RCAN2: variants seen among roughly 807,000 people sequenced by gnomAD.
The protein encoded by RCAN2 is regulator of calcineurin 2, also known as calcipressin-2.
In RCAN2, 9 loss-of-function variants were observed where a neutral mutation model predicts 23.6. That is an observed-to-expected ratio of 0.38 (90% confidence interval 0.23 to 0.67). The LOEUF is 0.67. RCAN2 is among the 30% of genes least tolerant of loss of function. The probability of loss-of-function intolerance (pLI) is 0.51; values close to 1 mark genes in which losing one functional copy is unlikely to be tolerated. For synonymous variants in RCAN2, 109 were observed against 115.7 expected, an observed-to-expected ratio of 0.94 and a Z score of 0.37; for missense variants, 273 against 302.3, an observed-to-expected ratio of 0.90 and a Z score of 0.72.
intron 2 of RCAN2, among the ~76,000 whole-genome samples, chr6:46,386,822 G>A (rs546913694): frequency 1.3e-5 from 2 of 152,166 alleles, no homozygotes; most frequent in Admixed American, 6.5e-5. Flanking sequence ...GAACAAACCT[G>A]GAGGCATCAC....
intron 1 of RCAN2, among the ~76,000 whole-genome samples, chr6:46,462,619 G>A (rs1291453565): frequency 1.3e-5 from 2 of 151,182 alleles, no homozygotes; most frequent in South Asian, 2.1e-4. Flanking sequence ...GTATGAATAA[G>A]TGAAAAAATT....
intron 2 of RCAN2, among the ~76,000 whole-genome samples, chr6:46,445,000 T>C (rs1011927835): frequency 1.3e-5 from 2 of 152,092 alleles, no homozygotes; most frequent in Admixed American, 6.5e-5. Context: ...CGGGCTCCAG[T>C]TGACACAGGG....
At chr6:46,448,208 A>G (rs1227381122) in intron 2 of RCAN2, among the ~76,000 whole-genome samples, 1 of 151,854 alleles carries the variant, frequency 6.6e-6, no homozygotes, top group Non-Finnish European at 1.5e-5. Context: ...ATGAACAATT[A>G]TATGCCAACA....
chr6:46,490,571 G>A (rs556435507), intron 1 of RCAN2, among the ~76,000 whole-genome samples: 2 of 152,204 alleles, frequency 1.3e-5, no homozygotes, highest in South Asian at 2.1e-4. Flanking sequence ...CATCCCACAG[G>A]CAGGACGAAC....
At position 46,367,022 on chromosome 6, in the gene RCAN2, G is replaced by T. The variant is rs555978202; in HGVS notation, c.225+89730C>A. ...ATTTTATTTTCAGTTATCTGGGATG[G>T]ATATATATATATATATATATATATA... On this transcript the variant is annotated intron_variant, in intron 2 of 4. Coordinates refer to ENST00000371374, the MANE Select transcript of RCAN2 (RefSeq NM_001251974.2). Among the ~76,000 whole-genome samples, 53 of 59,658 alleles carry T rather than the reference G, an allele frequency of 8.9e-4. 1 individual carries two copies. The highest frequency in any genetic ancestry group is 1.6e-3 in the Non-Finnish European group (42 of 25,932). 39.1% of individuals were successfully genotyped at this position (59,658 alleles called of 152,430 possible).
intron 2 of RCAN2, among the ~76,000 whole-genome samples, chr6:46,352,097 G>T (rs968295301): frequency 2.0e-5 from 3 of 152,146 alleles, no homozygotes; most frequent in African/African-American, 7.2e-5. Flanking sequence ...TATACATTAA[G>T]GTATTCCCCA....
In RCAN2 at chr6:46,289,407, T is replaced by C. The variant is rs115335509; in HGVS notation, c.226-40511A>G. On this transcript the variant is annotated intron_variant, in intron 2 of 4. Transcript: ENST00000371374. ...AAGAGGAAACATAAGATGTCCTTTT[T>C]ATACTGTAGACCCTATGGAATGCCT... is the stretch of plus-strand genomic sequence containing the variant. Among the ~76,000 whole-genome samples the C allele has an allele frequency of 6.6e-3, 1,002 of 152,350 alleles. 11 individuals are homozygous for C. Among genetic ancestry groups the C allele is most frequent in the African/African-American group, 0.023 (942 of 41,570 alleles).
At chr6:46,329,629 T>A (rs913607778) in intron 2 of RCAN2, among the ~76,000 whole-genome samples, 3 of 152,028 alleles carry the variant, frequency 2.0e-5, no homozygotes, top group African/African-American at 7.2e-5. Flanking sequence ...GCAGGGAGGC[T>A]TTTGCAGAAG....
chr6:46,385,652 T>A lies in RCAN2; in HGVS notation c.225+71100A>T, dbSNP rs112403600. On this transcript the variant is annotated intron_variant, in intron 2 of 4. Coordinates refer to ENST00000371374, the MANE Select transcript of RCAN2 (RefSeq NM_001251974.2). ...TGGGCAGATCACTTGAGGTCAGGAG[T>A]TCGAGACCAGCCTGGCCAACATGGT... Among the ~76,000 whole-genome samples the A allele has an allele frequency of 1.2e-3, 177 of 150,078 alleles. 1 individual carries two copies. Among genetic ancestry groups the A allele is most frequent in the Middle Eastern group, 3.4e-3 (1 of 290 alleles).
chr6:46,247,508 C>G (rs1406046847), intron 3 of RCAN2, among the ~76,000 whole-genome samples: 1 of 152,218 alleles, frequency 6.6e-6, no homozygotes, highest in African/African-American at 2.4e-5. Flanking sequence ...ACCACCATTC[C>G]TGTCTCCCAC....
At chr6:46,285,947 A>T (rs1178667631) in intron 2 of RCAN2, among the ~76,000 whole-genome samples, 6 of 152,204 alleles carry the variant, frequency 3.9e-5, no homozygotes, top group African/African-American at 1.4e-4. Flanking sequence ...GTAAAATGGT[A>T]TATTTATGAT....
intron 2 of RCAN2, among the ~76,000 whole-genome samples, chr6:46,294,423 AATACTC>A (rs1203954835): frequency 6.6e-6 from 1 of 152,180 alleles, no homozygotes; most frequent in Non-Finnish European, 1.5e-5. Flanking sequence ...AAAATTCAAA[AATACTC>A]ATATTATTTA....
intron 2 of RCAN2, among the ~76,000 whole-genome samples, chr6:46,333,254 A>G (rs562997601): frequency 6.6e-6 from 1 of 151,982 alleles, no homozygotes; most frequent in African/African-American, 2.4e-5. Context: ...TATTTTCCCA[A>G]CCTTTATCCC....
intron 2 of RCAN2, among the ~76,000 whole-genome samples, chr6:46,265,062 G>A (rs544477171): frequency 1.6e-4 from 24 of 152,112 alleles, no homozygotes; most frequent in Non-Finnish European, 2.8e-4. Flanking sequence ...CTCACCCAGT[G>A]GGATGGACAC....
At chr6:46,255,786 G>T (rs1766891549) in intron 2 of RCAN2, among the ~76,000 whole-genome samples, 1 of 152,120 alleles carries the variant, frequency 6.6e-6, no homozygotes, top group South Asian at 2.1e-4. Context: ...GAAGAAAAGA[G>T]TTCAACTGGA....
At chr6:46,485,961 A>T (rs1323312833) in intron 1 of RCAN2, among the ~76,000 whole-genome samples, 2 of 152,184 alleles carry the variant, frequency 1.3e-5, no homozygotes, top group African/African-American at 4.8e-5. Context: ...AATGTATTTT[A>T]TATGCATTGG....
intron 1 of RCAN2, among the ~76,000 whole-genome samples, chr6:46,474,727 A>C (rs1768666196): frequency 6.6e-6 from 1 of 152,232 alleles, no homozygotes; most frequent in African/African-American, 2.4e-5. Flanking sequence ...AAGACTAAGA[A>C]ATAACTTTGA....
intron 2 of RCAN2, among the ~76,000 whole-genome samples, chr6:46,333,380 C>A (rs1035613857): frequency 1.3e-5 from 2 of 152,182 alleles, no homozygotes; most frequent in African/African-American, 4.8e-5. Flanking sequence ...CCTTTTTACA[C>A]CTGTATAGTA....
At chr6:46,363,676 G>A (rs534591507) in intron 2 of RCAN2, among the ~76,000 whole-genome samples, 24 of 152,170 alleles carry the variant, frequency 1.6e-4, no homozygotes, top group African/African-American at 5.5e-4. Context: ...AAAAATTACT[G>A]TATTTAATTT....
Sources: allele counts gnomAD v4.1 joint callset (sites outside exome capture counted in the v4.1 genomes callset), GRCh38; gene constraint gnomAD v4.1.1; transcripts MANE v1.5; gene names NCBI Gene and HGNC (gene_info 2026-07-23, HGNC 2026-07-21).